Variants in CTNNA2 observed in about 807,000 individuals in gnomAD.
The protein encoded by CTNNA2 is catenin alpha 2.
CTNNA2 carries 42 observed loss-of-function variants against 101.0 expected under a neutral mutation model. That is an observed-to-expected ratio of 0.42 (90% CI 0.32 to 0.54). The LOEUF is 0.54. Among genes scored for constraint, CTNNA2 ranks in the 20% least tolerant of loss-of-function variants. CTNNA2 has a pLI of 0.14. For missense variants in CTNNA2, 871 were observed against 1,223.1 expected, an observed-to-expected ratio of 0.71 and a Z score of 4.29; for synonymous variants, 450 against 456.4, an observed-to-expected ratio of 0.99 and a Z score of 0.18.
At chr2:80,308,161 T>G (rs191321172) in intron 7 of CTNNA2, among the ~76,000 whole-genome samples, 1 of 152,106 alleles carries the variant, frequency 6.6e-6, no homozygotes, top group African/African-American at 2.4e-5. Context: ...ATACAATTTT[T>G]TTTTTGGTAT....
intron 3 of CTNNA2, among the ~76,000 whole-genome samples, chr2:79,756,782 AG>A (rs1372965168): frequency 1.3e-5 from 2 of 152,238 alleles, no homozygotes; most frequent in Non-Finnish European, 2.9e-5. Flanking sequence ...TACCTCACCA[AG>A]GAAGACATGC....
chr2:80,249,389 C>A (rs114476738), intron 7 of CTNNA2, among the ~76,000 whole-genome samples: 8,001 of 152,194 alleles, frequency 0.053, 421 homozygotes, highest in South Asian at 0.28. Flanking sequence ...AGCTTTGTCC[C>A]CAATATTGCT....
intron 7 of CTNNA2, among the ~76,000 whole-genome samples, chr2:79,914,122 C>T (rs62141606): frequency 6.7e-6 from 1 of 148,266 alleles, no homozygotes; most frequent in African/African-American, 2.5e-5. Flanking sequence ...AGCCGAGATC[C>T]CGCCACTGCA....
intron 3 of CTNNA2, among the ~76,000 whole-genome samples, chr2:79,317,312 CTT>C (rs907851239): frequency 2.0e-5 from 3 of 152,094 alleles, no homozygotes; most frequent in South Asian, 2.1e-4. Flanking sequence ...GTTTGCTACT[CTT>C]TTATTGAGGA....
intron 1 of CTNNA2, among the ~76,000 whole-genome samples, chr2:79,575,283 A>G (rs1437936043): frequency 6.6e-6 from 1 of 152,176 alleles, no homozygotes; most frequent in Admixed American, 6.6e-5. Flanking sequence ...GTCTGCCCAT[A>G]ACATTCTCAT....
At chr2:79,994,867 C>T (rs541576996) in intron 7 of CTNNA2, among the ~76,000 whole-genome samples, 2 of 152,232 alleles carry the variant, frequency 1.3e-5, no homozygotes, top group East Asian at 3.9e-4. Context: ...GATGTTCCTA[C>T]CCCCACCATG....
intron 7 of CTNNA2, among the ~76,000 whole-genome samples, chr2:80,136,577 G>A (rs1483623583): frequency 1.3e-5 from 2 of 152,106 alleles, no homozygotes; most frequent in African/African-American, 2.4e-5. Flanking sequence ...TGCGTTCTGA[G>A]CTTGTGCCTT....
chr2:79,322,083 C>A (rs1269193744), intron 3 of CTNNA2, among the ~76,000 whole-genome samples: 3 of 152,124 alleles, frequency 2.0e-5, no homozygotes, highest in African/African-American at 7.2e-5. Flanking sequence ...AATTAGGGAA[C>A]AATTAATAAT....
At chr2:79,653,259 C>G (rs1306151815) in intron 2 of CTNNA2, among the ~76,000 whole-genome samples, 1 of 151,980 alleles carries the variant, frequency 6.6e-6, no homozygotes, top group Non-Finnish European at 1.5e-5. Flanking sequence ...ATATTTTCAA[C>G]CAGGTATTCT....
rs76833937 is a variant in CTNNA2, at chr2:79,586,904, G to A, written c.-5-64648G>A. ...CTCATGGCTTAGCTTCCAATTATGA[G>A]TGAGAACATATGATATTTGGTTTTC... On this transcript the variant is annotated intron_variant, in intron 1 of 18. Coordinates refer to ENST00000402739, the MANE Select transcript of CTNNA2 (RefSeq NM_001282597.3). Among the ~76,000 whole-genome samples the A allele has an allele frequency of 7.6e-3, 1,151 of 151,548 alleles. 12 individuals are homozygous for A. Among genetic ancestry groups the A allele is most frequent in the African/African-American group, 0.026 (1,091 of 41,238 alleles).
intron 7 of CTNNA2, among the ~76,000 whole-genome samples, chr2:79,914,923 G>A (rs552425550): frequency 2.0e-5 from 3 of 151,866 alleles, no homozygotes; most frequent in Non-Finnish European, 2.9e-5. Context: ...TTGAAGCATT[G>A]TCATAGCCTT....
chr2:80,138,909 T>C lies in CTNNA2; in HGVS notation c.1056+229112T>C, dbSNP rs1702843904. 2.0e-5 allele frequency among the ~76,000 whole-genome samples: 3 copies of C among 152,218 alleles called. No individual in the cohort carries two copies. In the South Asian group the frequency reaches 6.2e-4, roughly 32 times the overall value. Reference sequence around the variant, plus strand: ...TGTGTCCACTTTTTTTGTGCCCCTCTCCCTTTTTTGCTGTCGTAGTGGCCA... The same window carrying C: ...TGTGTCCACTTTTTTTGTGCCCCTCCCCCTTTTTTGCTGTCGTAGTGGCCA... On this transcript the variant is annotated intron_variant, in intron 7 of 18. Coordinates refer to ENST00000402739, the MANE Select transcript of CTNNA2 (RefSeq NM_001282597.3).
intron 3 of CTNNA2, among the ~76,000 whole-genome samples, chr2:79,319,091 G>A (rs1676560044): frequency 6.6e-6 from 1 of 152,108 alleles, no homozygotes; most frequent in Non-Finnish European, 1.5e-5. Context: ...GAAGACCCAG[G>A]TAAAAGTAGA....
intron 7 of CTNNA2, among the ~76,000 whole-genome samples, chr2:80,139,694 A>G (rs1702892706): frequency 6.6e-6 from 1 of 152,224 alleles, no homozygotes; most frequent in Non-Finnish European, 1.5e-5. Context: ...AAAAATAAAA[A>G]CTACAAAAGG....
At chr2:79,629,192 A>G (rs1558784334) in intron 1 of CTNNA2, among the ~76,000 whole-genome samples, 1 of 152,188 alleles carries the variant, frequency 6.6e-6, no homozygotes, top group Non-Finnish European at 1.5e-5. Context: ...TATCAGCAAG[A>G]TAAATTGCTG....
chr2:80,219,620 C>A (rs1708463571), intron 7 of CTNNA2, among the ~76,000 whole-genome samples: 1 of 152,136 alleles, frequency 6.6e-6, no homozygotes, highest in African/African-American at 2.4e-5. Flanking sequence ...TGTAACACTG[C>A]AGAGTTGATG....
Position 80,533,214 on chromosome 2 carries a change from A to G in CTNNA2, c.1291-11768A>G, listed in dbSNP as rs77878340. ...TGGGTAGCACAGCCAGTAAGCCTGAAGGTGTTTGGAAGAGATCTATTTCTA... is the reference window on the plus strand; with the variant it reads ...TGGGTAGCACAGCCAGTAAGCCTGAGGGTGTTTGGAAGAGATCTATTTCTA... On this transcript the variant is annotated intron_variant, in intron 9 of 18. Transcript: ENST00000402739. Among the ~76,000 whole-genome samples, 399 of 152,306 alleles carry G rather than the reference A, an allele frequency of 2.6e-3. 12 individuals are homozygous for G. In the East Asian group the frequency reaches 0.062, roughly 24 times the overall value.
intron 7 of CTNNA2, among the ~76,000 whole-genome samples, chr2:80,382,920 G>T (rs1195019497): frequency 6.6e-6 from 1 of 152,124 alleles, no homozygotes; most frequent in African/African-American, 2.4e-5. Context: ...ATTCAGTTTG[G>T]GTATGTGTGT....
rs572614934 is a variant in CTNNA2 at position 79,292,409 on chromosome 2, A to G, written c.-405-20300A>G. ...AGCTGATGCTTTCTTTAACTGGCTG[A>G]TTTTCTTTCCAAGGCAAGCTGGAAG... On this transcript the variant is annotated intron_variant, in intron 2 of 21. Coordinates refer to the CTNNA2 transcript ENST00000466387. Among the ~76,000 whole-genome samples the G allele has an allele frequency of 2.0e-5, 3 of 152,270 alleles. No individual in the cohort carries two copies. The South Asian group carries it at 6.2e-4, about 32-fold the overall frequency.
Sources: gnomAD v4.1 joint callset for allele counts (sites outside exome capture counted in the v4.1 genomes callset) on GRCh38, gnomAD v4.1.1 for gene constraint, MANE v1.5 for transcripts, NCBI Gene and HGNC (gene_info 2026-07-23, HGNC 2026-07-21) for gene names.